Variants in BNC2 observed in about 807,000 individuals in gnomAD.
The protein encoded by BNC2 is basonuclin zinc finger protein 2, also known as zinc finger protein basonuclin-2.
Under a neutral mutation model 76.3 loss-of-function variants are expected in BNC2, and 20 were observed. The observed-to-expected ratio is 0.26, with a 90% CI of 0.18 to 0.38. BNC2 has a LOEUF of 0.38. Among genes scored for constraint, BNC2 ranks in the 10% least tolerant of loss-of-function variants. The pLI is 1.00. For synonymous variants in BNC2, 582 were observed against 514.8 expected (o/e 1.13, Z -1.77); for missense variants, 1,382 against 1,399.8 (o/e 0.99, Z 0.20).
At chr9:16,448,938 TTG>T (rs546515060) in intron 5 of BNC2, among the ~76,000 whole-genome samples, 40 of 152,326 alleles carry the variant, frequency 2.6e-4, no homozygotes, top group Non-Finnish European at 5.0e-4. Flanking sequence ...CATTAATAGT[TTG>T]TGTTTCTGTA....
intron 1 of BNC2, among the ~76,000 whole-genome samples, chr9:16,792,028 G>C (rs1479738255): frequency 6.6e-6 from 1 of 151,474 alleles, no homozygotes; most frequent in Non-Finnish European, 1.5e-5. Context: ...CTTTAGCCCA[G>C]GAGACGGAAG....
chr9:16,463,918 A>C (rs1480262148), intron 5 of BNC2, among the ~76,000 whole-genome samples: 2 of 151,878 alleles, frequency 1.3e-5, no homozygotes, highest in Non-Finnish European at 2.9e-5. Flanking sequence ...CAACATGGCG[A>C]AACCTTGTCT....
chr9:16,454,144 T>C (rs1298281589), intron 5 of BNC2, among the ~76,000 whole-genome samples: 1 of 152,200 alleles, frequency 6.6e-6, no homozygotes, highest in African/African-American at 2.4e-5. Context: ...TTTTTTGTGT[T>C]TTTTTAATCA....
intron 3 of BNC2, among the ~76,000 whole-genome samples, chr9:16,640,015 C>T (rs1467915997): frequency 6.6e-6 from 1 of 151,658 alleles, no homozygotes; most frequent in East Asian, 1.9e-4. Context: ...TTGATTTTTA[C>T]AGATCTATGA....
intron 6 of BNC2, chr9:16,430,122 T>C (rs79164551): frequency 4.6e-6 from 2 of 430,608 alleles, no homozygotes; most frequent in African/African-American, 4.0e-5. Context: ...TTGCTTCTGA[T>C]GGAAAGTAAT....
rs1004682653 is a variant in BNC2, at chr9:16,820,650, T to A, written c.3+49996A>T. Among the ~76,000 whole-genome samples the A allele has an allele frequency of 2.0e-5, 3 of 152,132 alleles. No individual in the cohort carries two copies. The East Asian group carries it at 5.8e-4, about 29-fold the overall frequency. Reference sequence around the variant, plus strand: ...CATGTCATATTTTATTCCATACTGATGATATCTGAATATTAAGACTCAGTA... The same window carrying A: ...CATGTCATATTTTATTCCATACTGAAGATATCTGAATATTAAGACTCAGTA... On this transcript the variant is annotated intron_variant, in intron 1 of 6. Transcript: ENST00000380672.
chr9:16,411,021 T>C lies in BNC2; in HGVS notation c.*7968A>G, dbSNP rs1820449303. 1 of 152,212 alleles carries C rather than the reference T, an allele frequency of 6.6e-6. No homozygotes were observed. The highest frequency in any genetic ancestry group is 2.4e-5 in the African/African-American group (1 of 41,436). The allele number at this position is 152,212 out of a possible 1,614,324, so 9.4% of individuals were successfully genotyped here. ...GTAGAGGATGCTTTGTCTCCTAGCA[T>C]GGAAAAGGCAGGCAGTGAGGCTCCC... On this transcript the variant is annotated 3_prime_UTR_variant, in exon 7 of 7. Coordinates refer to ENST00000380672, the MANE Select transcript of BNC2 (RefSeq NM_017637.6).
rs756753070 is a variant in BNC2 at position 16,682,316 on chromosome 9, A to G, written c.330+45481T>C. On this transcript the variant is annotated intron_variant, in intron 3 of 6. Transcript: ENST00000380672. ...AACTTCTCCAACATCATAGGAATTT[A>G]AATCCGTTCATAGTGATCGACAGAC... Among the ~76,000 whole-genome samples the G allele has an allele frequency of 1.1e-4, 11 of 101,858 alleles. 1 individual carries two copies. The highest frequency in any genetic ancestry group is 2.1e-4 in the Admixed American group (2 of 9,336). 66.8% of individuals were successfully genotyped at this position (101,858 alleles called of 152,430 possible). A position where few individuals can be genotyped will look rare whatever the true frequency, so the allele number is the denominator to read the frequency against.
intron 5 of BNC2, among the ~76,000 whole-genome samples, chr9:16,529,927 C>A (rs1294681517): frequency 6.6e-6 from 1 of 152,140 alleles, no homozygotes; most frequent in Non-Finnish European, 1.5e-5. Flanking sequence ...CGGCTCACCA[C>A]AACCTCTGCC....
intron 1 of BNC2, among the ~76,000 whole-genome samples, chr9:16,749,974 A>G (rs1000889569): frequency 1.3e-5 from 2 of 152,312 alleles, no homozygotes; most frequent in Admixed American, 1.3e-4. Context: ...TCTAAGAACG[A>G]GGAATTTTAT....
chr9:16,524,273 A>G (rs1396037665), intron 5 of BNC2, among the ~76,000 whole-genome samples: 1 of 152,244 alleles, frequency 6.6e-6, no homozygotes, highest in Admixed American at 6.5e-5. Context: ...ATGAGCTACT[A>G]GTAGACACCA....
chr9:16,825,458 T>C (rs73649040), intron 1 of BNC2, among the ~76,000 whole-genome samples: 4,060 of 152,194 alleles, frequency 0.027, 177 homozygotes, highest in African/African-American at 0.093. Context: ...AAGCTGATAT[T>C]CCCTCTAAAT....
chr9:16,641,557 ATAACT>A (rs755078316), intron 3 of BNC2, among the ~76,000 whole-genome samples: 69 of 152,336 alleles, frequency 4.5e-4, no homozygotes, highest in Admixed American at 5.9e-4. Context: ...GTTTCAAAAG[ATAACT>A]TAATTTCACC....
At chr9:16,470,370 A>C (rs895576986) in intron 5 of BNC2, among the ~76,000 whole-genome samples, 4 of 152,208 alleles carry the variant, frequency 2.6e-5, no homozygotes, top group African/African-American at 9.6e-5. Flanking sequence ...GATAGAAAAG[A>C]AAACCCCATT....
chr9:16,545,295 T>C (rs1017002846), intron 5 of BNC2, among the ~76,000 whole-genome samples: 3 of 152,226 alleles, frequency 2.0e-5, no homozygotes, highest in Non-Finnish European at 4.4e-5. Context: ...TTGGCAGTAG[T>C]CTGTAACAGT....
chr9:16,810,450 T>C (rs1818018407), intron 1 of BNC2, among the ~76,000 whole-genome samples: 1 of 152,212 alleles, frequency 6.6e-6, no homozygotes, highest in Non-Finnish European at 1.5e-5. Flanking sequence ...CAGAGCTGTT[T>C]GTTTACCTCA....
At position 16,412,528 on chromosome 9, in the gene BNC2, A is replaced by T. The variant is rs1222194683; in HGVS notation, c.*6461T>A. 4 of 152,614 alleles carry T rather than the reference A, an allele frequency of 2.6e-5. No homozygotes were observed. The highest frequency in any genetic ancestry group is 5.9e-5 in the Non-Finnish European group (4 of 68,044). 9.5% of individuals were successfully genotyped at this position (152,614 alleles called of 1,614,324 possible). ...TGGAATTGTTAACACTTAAGTTTTC[A>T]AAGAAGCAAAGGATGCCGTCACAGA... is the stretch of plus-strand genomic sequence containing the variant. On this transcript the variant is annotated 3_prime_UTR_variant, in exon 7 of 7. Transcript: ENST00000380672.
intron 6 of BNC2, among the ~76,000 whole-genome samples, chr9:16,431,088 T>G (rs957298916): frequency 6.6e-6 from 1 of 152,128 alleles, no homozygotes; most frequent in African/African-American, 2.4e-5. Flanking sequence ...GTAAAACTCA[T>G]GTAGGATGAA....
chr9:16,795,996 C>G (rs942571763), intron 1 of BNC2, among the ~76,000 whole-genome samples: 1 of 152,142 alleles, frequency 6.6e-6, no homozygotes, highest in Non-Finnish European at 1.5e-5. Context: ...CTAACCAGAA[C>G]TAAGGCTCAG....
Sources: gnomAD v4.1 joint callset for allele counts (sites outside exome capture counted in the v4.1 genomes callset) on GRCh38, gnomAD v4.1.1 for gene constraint, MANE v1.5 for transcripts, NCBI Gene and HGNC (gene_info 2026-07-23, HGNC 2026-07-21) for gene names.